DTWD2: variants seen among roughly 807,000 people sequenced by gnomAD.
The protein encoded by DTWD2 is tRNA-uridine aminocarboxypropyltransferase 2.
Under a neutral mutation model 31.8 loss-of-function variants are expected in DTWD2, and 39 were observed. The observed-to-expected ratio is 1.22, with a 90% CI of 0.95 to 1.60. DTWD2 has a LOEUF of 1.60. Among genes scored for constraint, DTWD2 ranks in the 40% most tolerant of loss-of-function variants. DTWD2 has a pLI of 0.00. For missense variants in DTWD2, 515 were observed against 381.5 expected, an observed-to-expected ratio of 1.35 and a Z score of -2.92; for synonymous variants, 180 against 142.8, an observed-to-expected ratio of 1.26 and a Z score of -1.86.
intron 4 of DTWD2, among the ~76,000 whole-genome samples, chr5:118,911,990 T>C (rs1753468248): frequency 6.6e-6 from 1 of 152,212 alleles, no homozygotes; most frequent in South Asian, 2.1e-4. Context: ...CTGGCATCTA[T>C]GAGAAAGAGG....
chr5:118,847,619 T>C (rs560871253), intron 5 of DTWD2, among the ~76,000 whole-genome samples: 2 of 151,962 alleles, frequency 1.3e-5, no homozygotes, highest in Admixed American at 6.6e-5. Flanking sequence ...ATTTTTTTTT[T>C]CAAGAAAAAT....
At chr5:118,865,452 T>G (rs747534499) in intron 4 of DTWD2, among the ~76,000 whole-genome samples, 30 of 151,756 alleles carry the variant, frequency 2.0e-4, no homozygotes, top group Non-Finnish European at 4.1e-4. Flanking sequence ...AAAAAAAAAA[T>G]AAATAAAAAG....
intron 4 of DTWD2, among the ~76,000 whole-genome samples, chr5:118,853,502 T>C (rs1414270190): frequency 2.6e-5 from 4 of 152,114 alleles, no homozygotes; most frequent in African/African-American, 9.7e-5. Context: ...TCAACCTAGG[T>C]GCCCATCACT....
At chr5:118,853,804 T>G (rs1222233129) in intron 4 of DTWD2, among the ~76,000 whole-genome samples, 1 of 152,130 alleles carries the variant, frequency 6.6e-6, no homozygotes, top group Non-Finnish European at 1.5e-5. Flanking sequence ...TGACCCCAAA[T>G]CTAAACGTCA....
At chr5:118,928,260 T>C (rs1464149965) in intron 4 of DTWD2, among the ~76,000 whole-genome samples, 1 of 152,048 alleles carries the variant, frequency 6.6e-6, no homozygotes, top group Non-Finnish European at 1.5e-5. Flanking sequence ...ATTAAATGTC[T>C]AAGAGACTCT....
At chr5:118,869,900 G>A (rs1475630000) in intron 4 of DTWD2, among the ~76,000 whole-genome samples, 1 of 152,176 alleles carries the variant, frequency 6.6e-6, no homozygotes, top group Non-Finnish European at 1.5e-5. Flanking sequence ...CACGGAGGCA[G>A]ATACCTCATG....
intron 5 of DTWD2, among the ~76,000 whole-genome samples, chr5:118,845,352 C>T (rs549150536): frequency 3.3e-5 from 5 of 152,286 alleles, no homozygotes; most frequent in Admixed American, 3.3e-4. Context: ...CAGACTGATA[C>T]TGCATTTCAC....
chr5:118,981,272 C>T (rs543836911), intron 1 of DTWD2, among the ~76,000 whole-genome samples: 1 of 152,126 alleles, frequency 6.6e-6, no homozygotes, highest in African/African-American at 2.4e-5. Context: ...CCATTTACAT[C>T]GTGGTGATGG....
intron 4 of DTWD2, among the ~76,000 whole-genome samples, chr5:118,851,235 A>G (rs564625194): frequency 1.0e-3 from 157 of 151,704 alleles, no homozygotes; most frequent in African/African-American, 2.7e-3. Flanking sequence ...AAAAAAAAAA[A>G]AAAGAAAGAA....
At chr5:118,958,966 T>G (rs1754649955) in intron 1 of DTWD2, among the ~76,000 whole-genome samples, 1 of 152,138 alleles carries the variant, frequency 6.6e-6, no homozygotes, top group African/African-American at 2.4e-5. Flanking sequence ...ATAAGAGCCA[T>G]CTATGCCAAA....
chr5:118,978,545 A>T (rs866444607), intron 1 of DTWD2, among the ~76,000 whole-genome samples: 5 of 152,270 alleles, frequency 3.3e-5, no homozygotes, highest in Admixed American at 6.5e-5. Flanking sequence ...AAAACCAACA[A>T]CCCCATTAAG....
At chr5:118,951,749 A>T (rs1754470496) in intron 1 of DTWD2, among the ~76,000 whole-genome samples, 1 of 152,104 alleles carries the variant, frequency 6.6e-6, no homozygotes, top group Admixed American at 6.5e-5. Context: ...CCCAGAGAAA[A>T]GAGAGGGTAG....
chr5:118,922,672 A>C (rs533574801), intron 4 of DTWD2, among the ~76,000 whole-genome samples: 12 of 152,370 alleles, frequency 7.9e-5, no homozygotes, highest in Middle Eastern at 3.4e-3. Context: ...TAAACAAAAA[A>C]ATAAGCAAAA....
chr5:118,948,480 C>CA (rs1169165615), intron 1 of DTWD2, among the ~76,000 whole-genome samples: 1 of 151,542 alleles, frequency 6.6e-6, no homozygotes, highest in African/African-American at 2.4e-5. Context: ...GACTCCATCT[C>CA]AAAAAAACAA....
rs553575773 is a variant in DTWD2 at position 118,950,961 on chromosome 5, G to A, written c.219-6312C>T. On this transcript the variant is annotated intron_variant, in intron 1 of 5. Coordinates refer to ENST00000510708, the MANE Select transcript of DTWD2 (RefSeq NM_173666.4). ...ATAAAATGCATATTGAGAATAAGAC[G>A]GCCTTCTGGCCTTTCTGGGTCTAGG... Among the ~76,000 whole-genome samples the A allele has an allele frequency of 1.5e-3, 234 of 152,180 alleles. 2 individuals carry two copies. Among genetic ancestry groups the A allele is most frequent in the African/African-American group, 5.4e-3 (223 of 41,524 alleles).
intron 4 of DTWD2, among the ~76,000 whole-genome samples, chr5:118,895,127 A>C (rs1411555856): frequency 6.6e-6 from 1 of 152,160 alleles, no homozygotes; most frequent in East Asian, 1.9e-4. Context: ...TAAAGACTCC[A>C]CAGAAAACAC....
chr5:118,937,056 C>T (rs1401314420), intron 3 of DTWD2, among the ~76,000 whole-genome samples: 1 of 151,848 alleles, frequency 6.6e-6, no homozygotes. Flanking sequence ...ATATGAAATG[C>T]CTTATGTTTA....
chr5:118,981,036 C>G (rs1755287534), intron 1 of DTWD2, among the ~76,000 whole-genome samples: 1 of 152,212 alleles, frequency 6.6e-6, no homozygotes, highest in Non-Finnish European at 1.5e-5. Context: ...GTGAAATTTT[C>G]ATTCATTTGC....
chr5:118,918,566 A>G (rs983494180), intron 4 of DTWD2, among the ~76,000 whole-genome samples: 2 of 152,146 alleles, frequency 1.3e-5, no homozygotes, highest in Admixed American at 6.5e-5. Flanking sequence ...CCCAGAAGCA[A>G]TATCTGAAGC....
Sources: gnomAD v4.1 joint callset for allele counts (sites outside exome capture counted in the v4.1 genomes callset) on GRCh38, gnomAD v4.1.1 for gene constraint, MANE v1.5 for transcripts, NCBI Gene and HGNC (gene_info 2026-07-23, HGNC 2026-07-21) for gene names.